PTPRN2: variants seen among roughly 807,000 people sequenced by gnomAD.
PTPRN2 encodes receptor-type tyrosine-protein phosphatase N2.
A neutral mutation model predicts 118.8 loss-of-function variants in PTPRN2; 74 were observed. The ratio of observed to expected loss-of-function variants is 0.62; its 90% CI spans 0.52 to 0.76. PTPRN2 has a LOEUF of 0.76. PTPRN2 is among the 30% of genes least tolerant of loss of function. The pLI is 0.00. For synonymous variants in PTPRN2, 641 were observed against 608.0 expected (o/e 1.05, Z -0.80); for missense variants, 1,481 against 1,394.4 (o/e 1.06, Z -0.99).
chr7:157,656,278 G>C, intron 14 of PTPRN2, 79 bp downstream of exon 14: 5 of 1,392,018 alleles, frequency 3.6e-6, no homozygotes, highest in Non-Finnish European at 4.9e-6. Flanking sequence ...GTCAGCGGGC[G>C]CAGATGCTGG....
rs117545725 is a variant in PTPRN2 at position 158,194,493 on chromosome 7, G to A, written c.381-1998C>T. On this transcript the variant is annotated intron_variant, in intron 4 of 22. Coordinates refer to ENST00000389418, the MANE Select transcript of PTPRN2 (RefSeq NM_002847.5). ...CTTCCCGCTGAGAGCCATGCTCAGC[G>A]ATGACCAATCACTTCAGGTCCGACT... Among the ~76,000 whole-genome samples, 117 of 152,330 alleles carry A rather than the reference G, an allele frequency of 7.7e-4. No homozygotes were observed. In the East Asian group the frequency reaches 0.014, roughly 18 times the overall value.
chr7:157,808,952 T>A lies in PTPRN2; in HGVS notation c.1788+89721A>T, dbSNP rs1228825919. ...GTGTCACTTGCTTTTATGTGGAATG[T>A]GGGCAGTTCTTAAAACTTTATTTTA... On this transcript the variant is annotated intron_variant, in intron 12 of 22. Coordinates refer to ENST00000389418, the MANE Select transcript of PTPRN2 (RefSeq NM_002847.5). The surrounding 1 kb of genome is among the most constrained non-coding windows in gnomAD (Gnocchi z 5.0). 6.6e-6 allele frequency among the ~76,000 whole-genome samples: 1 copy of A among 152,208 alleles called. No individual in the cohort carries two copies. The highest frequency in any genetic ancestry group is 1.5e-5 in the Non-Finnish European group (1 of 68,030).
At chr7:158,110,953 G>C (rs1816206023) in intron 9 of PTPRN2, 38 bp from the exon 10 acceptor site, 2 of 1,509,896 alleles carry the variant, frequency 1.3e-6, no homozygotes, top group South Asian at 2.4e-5. Flanking sequence ...AGTCACCACA[G>C]AGCCAGCAGT....
At position 157,669,202 on chromosome 7, in the gene PTPRN2, G is replaced by A. The variant is rs369237158; in HGVS notation, c.2002-12651C>T. The stretch of plus-strand genomic sequence containing the variant: ...CACTTCTGGAGAGCAAATGGCCCAC[G>A]GCCGCCCCTGAATGCCAGGGGAGCC... On this transcript the variant is annotated intron_variant, in intron 13 of 22. Transcript: ENST00000389418. 2.5e-3 allele frequency among the ~76,000 whole-genome samples: 375 copies of A among 152,314 alleles called. 3 individuals carry two copies. Among genetic ancestry groups the A allele is most frequent in the African/African-American group, 8.6e-3 (359 of 41,566 alleles).
chr7:157,587,966 G>A lies in PTPRN2; in HGVS notation c.2496+7272C>T, dbSNP rs529443598. ...CTGGGCTCCCGCGGTGGCTGTCCCC[G>A]TGCCTGGGCTCCCGCGGTGGCTGTC... is the stretch of plus-strand genomic sequence containing the variant. On this transcript the variant is annotated intron_variant, in intron 17 of 22. Transcript: ENST00000389418. The surrounding 1 kb of genome is among the most constrained non-coding windows in gnomAD (Gnocchi z 5.3). 2.7e-3 allele frequency among the ~76,000 whole-genome samples: 402 copies of A among 150,282 alleles called. 1 individual carries two copies. The highest frequency in any genetic ancestry group is 9.0e-3 in the African/African-American group (366 of 40,806).
At chr7:157,722,411 G>A (rs977210959) in intron 12 of PTPRN2, among the ~76,000 whole-genome samples, 46 of 152,236 alleles carry the variant, frequency 3.0e-4, no homozygotes, top group Non-Finnish European at 2.5e-4. Flanking sequence ...GGGCGGGGGT[G>A]CAGGGGCTCT....
chr7:158,098,619 C>T (rs1241549263), intron 10 of PTPRN2, among the ~76,000 whole-genome samples: 7 of 152,208 alleles, frequency 4.6e-5, no homozygotes. Context: ...GAGGCACACG[C>T]CTCCCTCGCC....
intron 3 of PTPRN2, among the ~76,000 whole-genome samples, chr7:158,278,531 T>C (rs1362811329): frequency 6.6e-6 from 1 of 152,134 alleles, no homozygotes; most frequent in African/African-American, 2.4e-5. Flanking sequence ...TGAAATTCTC[T>C]CTCGAAACCA....
At chr7:157,745,452 T>TGGGGGGAGAGGACAGGCTGC (rs1800869181) in intron 12 of PTPRN2, among the ~76,000 whole-genome samples, 1 of 151,156 alleles carries the variant, frequency 6.6e-6, no homozygotes, top group African/African-American at 2.4e-5. Flanking sequence ...GGACAGGCTG[T>TGGGGGGAGAGGACAGGCTGC]GGGAGGCAGG....
chr7:158,047,759 A>T (rs1443621640), intron 11 of PTPRN2, among the ~76,000 whole-genome samples: 1 of 152,258 alleles, frequency 6.6e-6, no homozygotes, highest in Non-Finnish European at 1.5e-5. Flanking sequence ...GCTGAGGTCC[A>T]TTCTGCAAAG....
chr7:158,092,410 A>C (rs951050841), intron 10 of PTPRN2, among the ~76,000 whole-genome samples: 1 of 151,606 alleles, frequency 6.6e-6, no homozygotes, highest in Non-Finnish European at 1.5e-5. Flanking sequence ...ATATGGGTGG[A>C]TGGCTGGCTG....
Position 158,459,461 on chromosome 7 carries a change from G to A in PTPRN2, c.163+30274C>T, listed in dbSNP as rs145601003. ...CCTGCCTGGGACGAACGGGCTCCAG[G>A]GGCCCGCAAAAGGACGTCGGCTCTG... On this transcript the variant is annotated intron_variant, in intron 2 of 22. Coordinates refer to ENST00000389418, the MANE Select transcript of PTPRN2 (RefSeq NM_002847.5). Among the ~76,000 whole-genome samples the A allele has an allele frequency of 8.0e-4, 122 of 152,254 alleles. No homozygotes were observed. In the East Asian group the frequency reaches 0.02, roughly 24 times the overall value.
chr7:158,345,911 T>C (rs962901174), intron 2 of PTPRN2, among the ~76,000 whole-genome samples: 4 of 151,838 alleles, frequency 2.6e-5, no homozygotes, highest in Admixed American at 1.3e-4. Flanking sequence ...AACCATCAGC[T>C]CTCATGAGAA....
chr7:158,156,882 C>T (rs1230319018), intron 6 of PTPRN2, among the ~76,000 whole-genome samples: 6 of 152,196 alleles, frequency 3.9e-5, no homozygotes, highest in African/African-American at 1.2e-4. Flanking sequence ...GCTTATACAG[C>T]GGAGAGCACC....
intron 6 of PTPRN2, among the ~76,000 whole-genome samples, chr7:158,145,871 G>A (rs368067983): frequency 1.6e-3 from 239 of 152,276 alleles, no homozygotes; most frequent in African/African-American, 5.2e-3. Flanking sequence ...CCATGCTCCC[G>A]GAGTCTTGGC....
At chr7:158,188,907 T>TCA (rs1825529288) in intron 5 of PTPRN2, among the ~76,000 whole-genome samples, 1 of 152,168 alleles carries the variant, frequency 6.6e-6, no homozygotes, top group Non-Finnish European at 1.5e-5. Flanking sequence ...CCACGGGCCC[T>TCA]TTGGCCTAAT....
chr7:158,110,252 C>T (rs575884493), intron 10 of PTPRN2, among the ~76,000 whole-genome samples: 13 of 152,362 alleles, frequency 8.5e-5, no homozygotes, highest in Admixed American at 3.3e-4. Flanking sequence ...CACATATGCA[C>T]GCATGGTTCC....
intron 14 of PTPRN2, among the ~76,000 whole-genome samples, chr7:157,648,804 A>T (rs375462868): frequency 3.7e-5 from 3 of 81,388 alleles, no homozygotes; most frequent in East Asian, 5.2e-4. Flanking sequence ...TCGGTGGGTC[A>T]GACCCATCCA....
intron 12 of PTPRN2, among the ~76,000 whole-genome samples, chr7:157,844,809 G>A (rs1016094786): frequency 1.3e-5 from 2 of 152,206 alleles, no homozygotes; most frequent in Admixed American, 6.5e-5. Flanking sequence ...TGCATCTGAC[G>A]AGATAGCAGT....
Sources: allele counts gnomAD v4.1 joint callset (sites outside exome capture counted in the v4.1 genomes callset), GRCh38; gene constraint gnomAD v4.1.1; non-coding constraint Gnocchi (gnomAD v3.1); transcripts MANE v1.5; gene names NCBI Gene and HGNC (gene_info 2026-07-23, HGNC 2026-07-21).